PLB1: variants seen among roughly 807,000 people sequenced by gnomAD.
PLB1 encodes phospholipase B1, membrane-associated.
Under a neutral mutation model 227.4 loss-of-function variants are expected in PLB1, and 242 were observed. The ratio of observed to expected loss-of-function variants is 1.06; its 90% CI spans 0.96 to 1.18. PLB1 has a LOEUF of 1.18. Among genes scored for constraint, PLB1 ranks in the 50% most tolerant of loss-of-function variants. PLB1 has a pLI of 0.00. For missense variants in PLB1, 1,858 were observed against 1,816.3 expected (o/e 1.02, Z -0.42); for synonymous variants, 757 against 682.2 (o/e 1.11, Z -1.71).
chr2:28,549,805 A>G (rs1673934956), intron 15 of PLB1, among the ~76,000 whole-genome samples: 1 of 152,300 alleles, frequency 6.6e-6, no homozygotes, highest in East Asian at 1.9e-4. Context: ...AGCAAGAGAG[A>G]CTGGCTATCA....
chr2:28,585,030 C>A (rs898849729), intron 25 of PLB1, among the ~76,000 whole-genome samples: 7 of 152,118 alleles, frequency 4.6e-5, no homozygotes, highest in African/African-American at 1.4e-4. Flanking sequence ...CAGGTTAATA[C>A]CCATAAAGTT....
chr2:28,590,183 A>G, intron 29 of PLB1, 107 bp downstream of exon 29: 1 of 953,870 alleles, frequency 1.0e-6, no homozygotes, highest in Non-Finnish European at 1.7e-6. Context: ...CACCCACCCC[A>G]TTTTATACTC....
At chr2:28,581,910 A>G (rs57589711) in intron 23 of PLB1, among the ~76,000 whole-genome samples, 158 bp from the exon 24 acceptor site, 4 of 151,920 alleles carry the variant, frequency 2.6e-5, no homozygotes, top group Non-Finnish European at 1.5e-5. Context: ...GCAGTGAGCC[A>G]TGATCACACC....
In PLB1 at chr2:28,605,844, C is replaced by T; in HGVS notation, c.2962-9C>T. On this transcript the variant is annotated splice_polypyrimidine_tract_variant and intron_variant, in intron 41 of 57. Coordinates refer to ENST00000327757, the MANE Select transcript of PLB1 (RefSeq NM_153021.5). ...TAGGATCTTGAGGGGGTATATTGGT[C>T]TCTTTCAGGATGGGCTCCCAGATAC... 1 of 1,607,534 alleles carries T rather than the reference C, an allele frequency of 6.2e-7. No individual in the cohort carries two copies. The highest frequency in any genetic ancestry group is 8.5e-7 in the Non-Finnish European group (1 of 1,174,054).
At chr2:28,618,582 A>G in intron 46 of PLB1, 183 bp downstream of exon 46, 2 of 615,174 alleles carry the variant, frequency 3.3e-6, no homozygotes, top group Middle Eastern at 4.3e-4. Context: ...CCACCTTCCC[A>G]GTTCTGCTCA....
intron 1 of PLB1, 120 bp downstream of exon 1, chr2:28,496,289 T>G: frequency 2.0e-6 from 2 of 1,024,188 alleles, no homozygotes; most frequent in Non-Finnish European, 2.9e-6. Flanking sequence ...GCACAAAGCG[T>G]ACAGTTCAAG....
chr2:28,558,131 TA>T (rs1293343969), intron 17 of PLB1, among the ~76,000 whole-genome samples: 1 of 145,068 alleles, frequency 6.9e-6, no homozygotes, highest in East Asian at 2.1e-4. Context: ...CACACAGACA[TA>T]AACATAGGGG....
chr2:28,574,739 C>G (rs961872560), intron 21 of PLB1, among the ~76,000 whole-genome samples: 1 of 152,082 alleles, frequency 6.6e-6, no homozygotes, highest in Non-Finnish European at 1.5e-5. Flanking sequence ...TAGCTTTGCT[C>G]TCCCACTTAT....
At chr2:28,499,659 G>A (rs920460582) in intron 1 of PLB1, among the ~76,000 whole-genome samples, 2 of 152,078 alleles carry the variant, frequency 1.3e-5, no homozygotes, top group Non-Finnish European at 2.9e-5. Context: ...GCCGAGGTGG[G>A]TGCATCACCT....
intron 38 of PLB1, among the ~76,000 whole-genome samples, chr2:28,602,403 T>C (rs767792387): frequency 1.3e-5 from 2 of 152,244 alleles, no homozygotes; most frequent in Non-Finnish European, 2.9e-5. Flanking sequence ...CTGCCCTGGC[T>C]GCGTGAGACA....
intron 9 of PLB1, among the ~76,000 whole-genome samples, chr2:28,534,473 T>G (rs953564282): frequency 2.6e-5 from 4 of 152,244 alleles, no homozygotes; most frequent in African/African-American, 9.6e-5. Context: ...AGGTAAGTAT[T>G]GGTTCATGAG....
chr2:28,593,501 G>A (rs558774678), intron 32 of PLB1, among the ~76,000 whole-genome samples, 180 bp from the exon 33 acceptor site: 29 of 152,328 alleles, frequency 1.9e-4, no homozygotes, highest in Non-Finnish European at 4.0e-4. Flanking sequence ...GCTAAGAGTT[G>A]GGGAAGGCAC....
chr2:28,620,386 G>A, intron 47 of PLB1, 54 bp downstream of exon 47: 1 of 1,503,158 alleles, frequency 6.7e-7, no homozygotes, highest in Non-Finnish European at 9.0e-7. Flanking sequence ...AGAGAGGTGT[G>A]AGTAGTGTGT....
chr2:28,640,435 ACAAGT>A (rs1381025427), intron 56 of PLB1, among the ~76,000 whole-genome samples: 1 of 152,244 alleles, frequency 6.6e-6, no homozygotes, highest in Non-Finnish European at 1.5e-5. Flanking sequence ...CCTAAGGTTG[ACAAGT>A]CAAGTGCAGT....
At chr2:28,513,363 C>T (rs1477139721) in intron 1 of PLB1, among the ~76,000 whole-genome samples, 1 of 152,176 alleles carries the variant, frequency 6.6e-6, no homozygotes, top group Non-Finnish European at 1.5e-5. Context: ...TCTAGTTTAT[C>T]CCTACTCCAA....
At chr2:28,497,661 ACTGTGGCTCAGAGTT>A (rs887705314) in intron 1 of PLB1, among the ~76,000 whole-genome samples, 11 of 151,842 alleles carry the variant, frequency 7.2e-5, no homozygotes, top group African/African-American at 2.4e-4. Context: ...CCGATTGCAG[ACTGTGGCTCAGAGTT>A]CTGTTATCAT....
At chr2:28,597,950 T>C in intron 33 of PLB1, 55 bp from the exon 34 acceptor site, 1 of 1,534,654 alleles carries the variant, frequency 6.5e-7, no homozygotes, top group Non-Finnish European at 9.0e-7. Flanking sequence ...GTTCCTAGAT[T>C]GATTCAACCA....
chr2:28,508,921 G>C (rs1030598812), intron 1 of PLB1, among the ~76,000 whole-genome samples: 1 of 152,194 alleles, frequency 6.6e-6, no homozygotes, highest in Non-Finnish European at 1.5e-5. Context: ...AGTCCTCCCT[G>C]ATGCCTAGGA....
At chr2:28,590,479 C>T (rs927024865) in intron 29 of PLB1, among the ~76,000 whole-genome samples, 2 of 152,066 alleles carry the variant, frequency 1.3e-5, no homozygotes, top group African/African-American at 2.4e-5. Context: ...AGCGAGGAAT[C>T]GAGACCTAGA....
Sources: gnomAD v4.1 joint callset for allele counts (sites outside exome capture counted in the v4.1 genomes callset) on GRCh38, gnomAD v4.1.1 for gene constraint, MANE v1.5 for transcripts, NCBI Gene and HGNC (gene_info 2026-07-23, HGNC 2026-07-21) for gene names.